Variants in RBMS3 observed in about 807,000 individuals in gnomAD.
RBMS3 encodes RNA binding motif single stranded interacting protein 3, also known as RNA-binding motif, single-stranded-interacting protein 3.
RBMS3 carries 27 observed loss-of-function variants against 66.8 expected under a neutral mutation model. That is an observed-to-expected ratio of 0.40 (90% CI 0.30 to 0.56). The LOEUF is 0.56. Among genes scored for constraint, RBMS3 ranks in the 20% least tolerant of loss-of-function variants. The probability of loss-of-function intolerance (pLI) is 0.40; values close to 1 mark genes in which losing one functional copy is unlikely to be tolerated. For missense variants in RBMS3, 513 were observed against 549.5 expected (o/e 0.93, Z 0.66); for synonymous variants, 188 against 183.0 (o/e 1.03, Z -0.22).
At chr3:29,497,664 C>A (rs1275835101) in intron 3 of RBMS3, among the ~76,000 whole-genome samples, 2 of 152,124 alleles carry the variant, frequency 1.3e-5, no homozygotes, top group African/African-American at 4.8e-5. Context: ...CATCTGTGTG[C>A]AAAGATCTAA....
At chr3:29,488,660 A>T (rs1246694572) in intron 3 of RBMS3, among the ~76,000 whole-genome samples, 161 bp downstream of exon 3, 3 of 152,234 alleles carry the variant, frequency 2.0e-5, no homozygotes, top group Admixed American at 6.5e-5. Context: ...TATTTCTAGT[A>T]ACATTGCTCA....
At chr3:29,672,819 C>T (rs2051064200) in intron 4 of RBMS3, among the ~76,000 whole-genome samples, 1 of 152,060 alleles carries the variant, frequency 6.6e-6, no homozygotes, top group Admixed American at 6.6e-5. Context: ...CTTAGACTCC[C>T]ACACAATAAT....
intron 3 of RBMS3, among the ~76,000 whole-genome samples, chr3:29,574,940 T>C (rs191793247): frequency 9.7e-4 from 148 of 152,286 alleles, no homozygotes; most frequent in African/African-American, 3.4e-3. Context: ...TTATGTCTTA[T>C]TGTACTGTCT....
At chr3:29,381,132 T>A (rs1382404496) in intron 1 of RBMS3, among the ~76,000 whole-genome samples, 1 of 152,172 alleles carries the variant, frequency 6.6e-6, no homozygotes, top group East Asian at 1.9e-4. Flanking sequence ...GAAGTGAGTA[T>A]GAGAGAAAGA....
intron 10 of RBMS3, among the ~76,000 whole-genome samples, chr3:29,927,544 T>G (rs532385604): frequency 6.6e-6 from 1 of 152,322 alleles, no homozygotes; most frequent in South Asian, 2.1e-4. Flanking sequence ...GAGGAGCAAG[T>G]GACCGGTAGC....
intron 6 of RBMS3, among the ~76,000 whole-genome samples, chr3:29,840,057 CCTTT>C (rs1490836972): frequency 2.0e-5 from 3 of 151,920 alleles, no homozygotes; most frequent in Non-Finnish European, 4.4e-5. Context: ...TATCCTTCTC[CCTTT>C]CTCTTTCTCC....
chr3:29,358,741 C>G (rs1051595176), intron 1 of RBMS3, among the ~76,000 whole-genome samples: 1 of 152,094 alleles, frequency 6.6e-6, no homozygotes, highest in East Asian at 1.9e-4. Flanking sequence ...GTTTGTAGTT[C>G]TCCTTGAAGA....
chr3:29,963,966 A>G (rs115388404), intron 12 of RBMS3, among the ~76,000 whole-genome samples: 56 of 152,318 alleles, frequency 3.7e-4, no homozygotes, highest in African/African-American at 1.3e-3. Flanking sequence ...GGCTTATTTC[A>G]TCATATTTCA....
chr3:29,899,871 C>A, intron 10 of RBMS3, 116 bp downstream of exon 10: 3 of 928,186 alleles, frequency 3.2e-6, no homozygotes, highest in Non-Finnish European at 4.8e-6. Flanking sequence ...GTTCAGGCAG[C>A]CATATTCTCC....
intron 1 of RBMS3, among the ~76,000 whole-genome samples, chr3:29,377,965 G>T (rs2038562742): frequency 6.6e-6 from 1 of 152,062 alleles, no homozygotes; most frequent in Admixed American, 6.6e-5. Flanking sequence ...TATGTATATT[G>T]ATCCCATTCC....
chr3:30,009,802 G>A lies in RBMS3; in HGVS notation c.*5940G>A, dbSNP rs1424686607. On this transcript the variant is annotated 3_prime_UTR_variant, in exon 15 of 15. Coordinates refer to ENST00000383767, the MANE Select transcript of RBMS3 (RefSeq NM_001003793.3). ...ACAATGTCCAAAGTGTAACTTTAAT[G>A]TTATATTTTGTTTCAAACCCTCTGG... The A allele has an allele frequency of 6.6e-6, 1 of 152,018 alleles. No individual in the cohort carries two copies. Among genetic ancestry groups the A allele is most frequent in the Admixed American group, 6.6e-5 (1 of 15,254 alleles). The allele number at this position is 152,018 out of a possible 1,614,324, so 9.4% of individuals were successfully genotyped here. A position where few individuals can be genotyped will look rare whatever the true frequency, so the allele number is the denominator to read the frequency against.
chr3:29,821,721 T>C (rs2058080311), intron 6 of RBMS3, among the ~76,000 whole-genome samples: 1 of 152,198 alleles, frequency 6.6e-6, no homozygotes, highest in Admixed American at 6.5e-5. Flanking sequence ...AACTTTTTAA[T>C]ATTTAAGAAG....
At chr3:29,962,064 T>TATTATTATATATTGTATATATAATAA (rs1696498869) in intron 12 of RBMS3, among the ~76,000 whole-genome samples, 1 of 144,428 alleles carries the variant, frequency 6.9e-6, no homozygotes, top group Non-Finnish European at 1.5e-5. Flanking sequence ...ATATATAATA[T>TATTATTATATATTGTATATATAATAA]ATTATTATAT....
At chr3:29,696,131 CACTT>C (rs2052263835) in intron 4 of RBMS3, among the ~76,000 whole-genome samples, 1 of 152,306 alleles carries the variant, frequency 6.6e-6, no homozygotes, top group African/African-American at 2.4e-5. Flanking sequence ...TGGATGGTGA[CACTT>C]AATTATGGAC....
chr3:29,659,737 G>A lies in RBMS3; in HGVS notation c.399+72532G>A, dbSNP rs374167841. 3.5e-4 allele frequency among the ~76,000 whole-genome samples: 53 copies of A among 152,266 alleles called. 1 individual carries two copies. Among genetic ancestry groups the A allele is most frequent in the African/African-American group, 1.3e-3 (53 of 41,536 alleles). ...CCTTGCTTTCGATTTTGGTGGGGGGGTGGTTACAGAGAGCTGGAATTACTG... is the reference window on the plus strand; with the variant it reads ...CCTTGCTTTCGATTTTGGTGGGGGGATGGTTACAGAGAGCTGGAATTACTG... On this transcript the variant is annotated intron_variant, in intron 4 of 14. Transcript: ENST00000383767.
chr3:29,939,048 A>G (rs2061333179), intron 11 of RBMS3, among the ~76,000 whole-genome samples: 1 of 151,918 alleles, frequency 6.6e-6, no homozygotes, highest in African/African-American at 2.4e-5. Context: ...GCCAGAAGTG[A>G]TGTAACACAC....
chr3:29,707,101 G>A (rs778970190), intron 4 of RBMS3, among the ~76,000 whole-genome samples: 24 of 152,116 alleles, frequency 1.6e-4, no homozygotes, highest in Non-Finnish European at 4.4e-5. Flanking sequence ...TAAGAGACAT[G>A]AAGAAACTGC....
At chr3:29,562,609 T>C (rs1444497874) in intron 3 of RBMS3, among the ~76,000 whole-genome samples, 2 of 152,122 alleles carry the variant, frequency 1.3e-5, no homozygotes, top group South Asian at 4.1e-4. Context: ...TCGATATACT[T>C]GATATATGGT....
rs140855259 is a variant in RBMS3 at position 29,329,890 on chromosome 3, T to C, written c.75+48134T>C. On this transcript the variant is annotated intron_variant, in intron 1 of 14. Transcript: ENST00000383767. ...TATAATACATATTAATATAACTATA[T>C]AATTAATATATATATTAATATAACT... is the stretch of plus-strand genomic sequence containing the variant. 8.1e-5 allele frequency among the ~76,000 whole-genome samples: 12 copies of C among 147,826 alleles called. No individual in the cohort carries two copies. The Admixed American group carries it at 8.1e-4, about 10-fold the overall frequency.
Sources: gnomAD v4.1 joint callset for allele counts (sites outside exome capture counted in the v4.1 genomes callset) on GRCh38, gnomAD v4.1.1 for gene constraint, MANE v1.5 for transcripts, NCBI Gene and HGNC (gene_info 2026-07-23, HGNC 2026-07-21) for gene names.